Variants in SP100 observed in about 807,000 individuals in gnomAD.
The protein encoded by SP100 is nuclear autoantigen Sp-100.
SP100 carries 84 observed loss-of-function variants against 130.0 expected under a neutral mutation model. That is an observed-to-expected ratio of 0.65 (90% CI 0.54 to 0.77). The LOEUF (loss-of-function observed/expected upper bound fraction) is 0.77. Among genes scored for constraint, SP100 ranks in the 30% least tolerant of loss-of-function variants. SP100 has a pLI of 0.00. For synonymous variants in SP100, 331 were observed against 351.7 expected (o/e 0.94, Z 0.66); for missense variants, 978 against 1,052.2 (o/e 0.93, Z 0.97).
At chr2:230,509,528 T>C (rs1303173999) in intron 23 of SP100, 1 of 152,260 alleles carries the variant, frequency 6.6e-6, no homozygotes, top group Non-Finnish European at 1.5e-5. Flanking sequence ...GGCTAATCAA[T>C]TGAGCTGGCC....
At chr2:230,530,729 G>GA (rs1220729699) in intron 24 of SP100, among the ~76,000 whole-genome samples, 1 of 150,922 alleles carries the variant, frequency 6.6e-6, no homozygotes, top group Non-Finnish European at 1.5e-5. Flanking sequence ...AACTTTACAA[G>GA]AAAAAACAAC....
At chr2:230,525,311 A>C (rs972094371) in intron 24 of SP100, among the ~76,000 whole-genome samples, 1 of 152,212 alleles carries the variant, frequency 6.6e-6, no homozygotes, top group Admixed American at 6.5e-5. Context: ...TGAAAAGTTT[A>C]GATAATATTA....
At chr2:230,503,774 C>T (rs1239714199) in intron 20 of SP100, among the ~76,000 whole-genome samples, 2 of 152,192 alleles carry the variant, frequency 1.3e-5, no homozygotes, top group Non-Finnish European at 2.9e-5. Context: ...TTAGGTGCCA[C>T]TCTGCCATCC....
chr2:230,472,541 A>G (rs2065328049), intron 15 of SP100, among the ~76,000 whole-genome samples: 1 of 152,096 alleles, frequency 6.6e-6, no homozygotes, highest in African/African-American at 2.4e-5. Context: ...TAATAAAACT[A>G]GATCTAAAGA....
At chr2:230,516,724 T>G (rs919071280) in intron 24 of SP100, among the ~76,000 whole-genome samples, 3 of 152,196 alleles carry the variant, frequency 2.0e-5, no homozygotes, top group Non-Finnish European at 4.4e-5. Flanking sequence ...TGACTTCAAA[T>G]GCTTGTAGAG....
At chr2:230,524,334 C>T (rs1263582254) in intron 24 of SP100, among the ~76,000 whole-genome samples, 1 of 102,508 alleles carries the variant, frequency 9.8e-6, no homozygotes, top group Admixed American at 1.4e-4. Flanking sequence ...TCAGCCTGGG[C>T]AACAAGAGTG....
In SP100 at chr2:230,434,528, A is replaced by C. The variant is rs534133199; in HGVS notation, c.108-8409A>C. Among the ~76,000 whole-genome samples, 5 of 152,330 alleles carry C rather than the reference A, an allele frequency of 3.3e-5. No individual in the cohort carries two copies. The East Asian group carries it at 9.6e-4, about 29-fold the overall frequency. On this transcript the variant is annotated intron_variant, in intron 2 of 28. Transcript: ENST00000340126. ...ATATTTTTGGGGGAAAAGAGACAATAAAGAATATGATAAACAATAAATACA... is the reference window on the plus strand; with the variant it reads ...ATATTTTTGGGGGAAAAGAGACAATCAAGAATATGATAAACAATAAATACA...
chr2:230,469,771 T>C (rs570419091), intron 14 of SP100: 9 of 1,356,430 alleles, frequency 6.6e-6, no homozygotes, highest in African/African-American at 6.0e-5. Context: ...TACATATTTT[T>C]CCCAAAGTTA....
intron 28 of SP100, among the ~76,000 whole-genome samples, chr2:230,542,442 C>T (rs1476045735): frequency 6.6e-6 from 1 of 152,140 alleles, no homozygotes; most frequent in Non-Finnish European, 1.5e-5. Context: ...TACATCTGAA[C>T]TTCCTGGCAC....
chr2:230,453,844 A>G (rs536472078), intron 8 of SP100, among the ~76,000 whole-genome samples: 61 of 152,282 alleles, frequency 4.0e-4, no homozygotes, highest in Middle Eastern at 3.4e-3. Flanking sequence ...CTCTTATTCA[A>G]TTTTTAAGAA....
chr2:230,442,900 T>C (rs1423797180), intron 2 of SP100, 37 bp from the exon 3 acceptor site: 63 of 1,588,454 alleles, frequency 4.0e-5, no homozygotes, highest in Non-Finnish European at 5.2e-5. Context: ...TCTCAGAATC[T>C]TGATGACCAT....
intron 23 of SP100, chr2:230,510,133 A>T (rs1430777033): frequency 6.6e-6 from 1 of 152,612 alleles, no homozygotes; most frequent in African/African-American, 2.4e-5. Context: ...CATGCCTTGG[A>T]TCCCACTGAG....
Position 230,462,501 on chromosome 2 carries a change from C to T in SP100, c.1040C>T (p.Ala347Val). Reference protein sequence around the residue: ...VDEPLEVFISAPRSEPVINND... With the variant: ...VDEPLEVFISVPRSEPVINND... Reference sequence around the variant, plus strand: ...GAGCCCTTAGAAGTCTTCATCTCAGCACCGAGAAGTGAGCCTGGTAAGGAA... The same window carrying T: ...GAGCCCTTAGAAGTCTTCATCTCAGTACCGAGAAGTGAGCCTGGTAAGGAA... The change falls in exon 10 of 29, where the codon GCA becomes GTA. Residue 347 changes from alanine to valine, a missense_variant. Coordinates refer to ENST00000340126, the MANE Select transcript of SP100 (RefSeq NM_001080391.2). 1 of 1,613,414 alleles carries T rather than the reference C, an allele frequency of 6.2e-7. No individual in the cohort carries two copies. The highest frequency in any genetic ancestry group is 8.5e-7 in the Non-Finnish European group (1 of 1,179,472).
chr2:230,502,574 C>T (rs2067096382), intron 19 of SP100, among the ~76,000 whole-genome samples: 2 of 152,172 alleles, frequency 1.3e-5, no homozygotes, highest in Admixed American at 1.3e-4. Context: ...AAGGATAGCT[C>T]CTGGCATACA....
chr2:230,445,551 C>A (rs1247380895), intron 4 of SP100, among the ~76,000 whole-genome samples: 1 of 152,110 alleles, frequency 6.6e-6, no homozygotes, highest in African/African-American at 2.4e-5. Flanking sequence ...GAAGTGTAAG[C>A]AGTAGTTGTA....
At chr2:230,466,412 A>T in intron 12 of SP100, 58 bp downstream of exon 12, 1 of 891,250 alleles carries the variant, frequency 1.1e-6, no homozygotes, top group South Asian at 1.4e-5. Flanking sequence ...CATGGTTATA[A>T]ATGAACAATA....
intron 24 of SP100, among the ~76,000 whole-genome samples, chr2:230,537,281 G>A (rs1340096402): frequency 6.6e-6 from 1 of 152,116 alleles, no homozygotes; most frequent in Non-Finnish European, 1.5e-5. Context: ...CCATGCAGCT[G>A]GACTGGTACA....
intron 15 of SP100, chr2:230,473,066 C>T: frequency 3.2e-6 from 1 of 315,436 alleles, no homozygotes; most frequent in South Asian, 4.9e-5. Context: ...TCCCTAAAAC[C>T]AGCCTTTGCT....
chr2:230,480,002 TC>T (rs1267856374), intron 17 of SP100, among the ~76,000 whole-genome samples: 1 of 152,212 alleles, frequency 6.6e-6, no homozygotes, highest in Non-Finnish European at 1.5e-5. Context: ...GAGAAGTTCT[TC>T]CTGGCTCTTC....
Sources: gnomAD v4.1 joint callset for allele counts (sites outside exome capture counted in the v4.1 genomes callset) on GRCh38, gnomAD v4.1.1 for gene constraint, MANE v1.5 for transcripts, NCBI Gene and HGNC (gene_info 2026-07-23, HGNC 2026-07-21) for gene names.